Variants in UTP20 observed in about 807,000 individuals in gnomAD.
UTP20 encodes small subunit processome component 20 homolog.
In UTP20, 164 loss-of-function variants were observed where a neutral mutation model predicts 329.5. The ratio of observed to expected loss-of-function variants is 0.50; its 90% CI spans 0.44 to 0.57. The LOEUF is 0.57. UTP20 is among the 20% of genes least tolerant of loss of function. The probability of loss-of-function intolerance (pLI) is 0.00; values close to 1 mark genes in which losing one functional copy is unlikely to be tolerated. For synonymous variants in UTP20, 1,151 were observed against 1,159.3 expected, an observed-to-expected ratio of 0.99 and a Z score of 0.14; for missense variants, 3,055 against 3,284.2, an observed-to-expected ratio of 0.93 and a Z score of 1.71.
rs1041472527 is a variant in UTP20 at position 101,291,103 on chromosome 12, G to C, written c.891+215G>C. ...GATGCAGTAGAAGGCTCTGGAGCCA[G>C]ACTGCCTGTTTGAATCTTGACCCTT... On this transcript the variant is annotated intron_variant, in intron 8 of 61. Transcript: ENST00000261637. 15 of 419,006 alleles carry C rather than the reference G, an allele frequency of 3.6e-5. No individual in the cohort carries two copies. In the South Asian group the frequency reaches 8.6e-4, roughly 24 times the overall value. 26.0% of individuals were successfully genotyped at this position (419,006 alleles called of 1,614,324 possible).
At chr12:101,313,565 C>T (rs1307058730) in intron 21 of UTP20, among the ~76,000 whole-genome samples, 1 of 151,988 alleles carries the variant, frequency 6.6e-6, no homozygotes, top group Non-Finnish European at 1.5e-5. Context: ...ATTGCAAGTC[C>T]AAGCAAGAAG....
rs199995716 is a variant in UTP20, at chr12:101,318,851, G to T, written c.2739-694G>T. ...ATCTTGAAAAAAAAAAAAAAAAAAA[G>T]ACCCAGGGAAGGCTCTCTGATGCTG... On this transcript the variant is annotated intron_variant, in intron 22 of 61. Transcript: ENST00000261637. Among the ~76,000 whole-genome samples, 182 of 89,736 alleles carry T rather than the reference G, an allele frequency of 2.0e-3. 2 individuals are homozygous for T. Among genetic ancestry groups the T allele is most frequent in the South Asian group, 0.014 (35 of 2,546 alleles). The allele number at this position is 89,736 out of a possible 152,430, so 58.9% of individuals were successfully genotyped here.
At chr12:101,342,730 G>T in intron 33 of UTP20, 57 bp from the exon 34 acceptor site, 1 of 1,569,698 alleles carries the variant, frequency 6.4e-7, no homozygotes, top group Non-Finnish European at 8.7e-7. Context: ...GAGGGGAGGA[G>T]GGCAGAAAAG....
chr12:101,363,396 G>A (rs1025644084), intron 44 of UTP20, among the ~76,000 whole-genome samples, 180 bp from the exon 45 acceptor site: 1 of 151,816 alleles, frequency 6.6e-6, no homozygotes, highest in Non-Finnish European at 1.5e-5. Context: ...TTTAGTAATT[G>A]GTCCCTAAAT....
At chr12:101,313,941 A>G (rs1872879552) in intron 21 of UTP20, among the ~76,000 whole-genome samples, 1 of 152,222 alleles carries the variant, frequency 6.6e-6, no homozygotes, top group Admixed American at 6.5e-5. Flanking sequence ...TGTCATGTAG[A>G]GAGGCATTTA....
At chr12:101,320,638 CAG>C (rs1873120185) in intron 23 of UTP20, among the ~76,000 whole-genome samples, 1 of 151,992 alleles carries the variant, frequency 6.6e-6, no homozygotes, top group African/African-American at 2.4e-5. Context: ...ATGCAGGTGT[CAG>C]AGAGTTTTGT....
At chr12:101,349,149 G>A (rs1869432502) in intron 38 of UTP20, among the ~76,000 whole-genome samples, 2 of 151,550 alleles carry the variant, frequency 1.3e-5, no homozygotes, top group Admixed American at 1.3e-4. Context: ...TAATGTGTTT[G>A]GGGTTTTTTG....
intron 10 of UTP20, among the ~76,000 whole-genome samples, chr12:101,292,540 C>T (rs981631377): frequency 6.6e-6 from 1 of 152,058 alleles, no homozygotes; most frequent in Non-Finnish European, 1.5e-5. Flanking sequence ...TTAATTCTGC[C>T]TGGGGTTGAG....
intron 54 of UTP20, 47 bp downstream of exon 54, chr12:101,373,814 G>C: frequency 1.3e-6 from 2 of 1,576,196 alleles, no homozygotes; most frequent in Non-Finnish European, 1.7e-6. Flanking sequence ...CTTAGCTTTG[G>C]GGATCATAGT....
Position 101,286,489 on chromosome 12 carries a change from G to A in UTP20, c.495G>A (p.Lys165=). 1.2e-6 allele frequency: 2 copies of A among 1,611,982 alleles called. No homozygotes were observed. Among genetic ancestry groups the A allele is most frequent in the Non-Finnish European group, 1.7e-6 (2 of 1,178,950 alleles). Residue 165 remains lysine (K), a synonymous_variant, in exon 5 of 62, where the codon AAG becomes AAA. Transcript: ENST00000261637. The part of the protein sequence containing the change: ...LYKYLWRLMV[K]DMSSIYSMYS... ...AGTACCTGTGGAGACTGATGGTGAA[G>A]GACATGTCCAGTATATACAGGTAAC...
At chr12:101,316,233 A>G (rs1216828845) in intron 21 of UTP20, among the ~76,000 whole-genome samples, 1 of 152,240 alleles carries the variant, frequency 6.6e-6, no homozygotes, top group Non-Finnish European at 1.5e-5. Context: ...ATGACTAACA[A>G]TGGCAACAGC....
At chr12:101,326,202 C>G (rs1394236910) in intron 25 of UTP20, among the ~76,000 whole-genome samples, 1 of 152,124 alleles carries the variant, frequency 6.6e-6, no homozygotes, top group Non-Finnish European at 1.5e-5. Context: ...ATGACTCTTT[C>G]TTGCATTTCC....
chr12:101,285,824 A>C lies in UTP20; in HGVS notation c.269A>C (p.Gln90Pro). The change falls in exon 4 of 62, where the codon CAG becomes CCG. Residue 90 changes from glutamine (Q) to proline (P), a missense_variant. Gln to Pro is a moderately conservative substitution (Grantham distance 76). Coordinates refer to ENST00000261637, the MANE Select transcript of UTP20 (RefSeq NM_014503.3). ...GTGTATCACCAAAACGAGATAGTTCAGAGTTTGAAGACTCACCTGCAAGTT... is the reference window on the plus strand; with the variant it reads ...GTGTATCACCAAAACGAGATAGTTCCGAGTTTGAAGACTCACCTGCAAGTT... ...QLVYHQNEIV[Q>P]SLKTHLQVKN... is the part of the protein sequence containing the mutation. 5 of 1,613,940 alleles carry C rather than the reference A, an allele frequency of 3.1e-6. No individual in the cohort carries two copies. Among genetic ancestry groups the C allele is most frequent in the Non-Finnish European group, 4.2e-6 (5 of 1,179,916 alleles).
At chr12:101,365,429 C>T in intron 45 of UTP20, 30 bp from the exon 46 acceptor site, 1 of 1,526,264 alleles carries the variant, frequency 6.6e-7, no homozygotes, top group Admixed American at 2.1e-5. Context: ...TCTGTGTCAT[C>T]TCAGCATGAC....
At chr12:101,305,861 T>C in intron 15 of UTP20, 54 bp from the exon 16 acceptor site, 1 of 1,473,996 alleles carries the variant, frequency 6.8e-7, no homozygotes, top group Non-Finnish European at 9.0e-7. Flanking sequence ...TACTATAGTC[T>C]AGATACTCTG....
At chr12:101,368,295 G>A (rs1870166673) in intron 48 of UTP20, among the ~76,000 whole-genome samples, 1 of 151,820 alleles carries the variant, frequency 6.6e-6, no homozygotes, top group African/African-American at 2.4e-5. Flanking sequence ...ACCACGCCCG[G>A]CTAACTTTTG....
In UTP20 at chr12:101,308,267, G is replaced by A. The variant is rs77005911; in HGVS notation, c.2078G>A (p.Arg693Lys). ...ELVPATVNDY[R>K]EKLLHLRKLR... is the part of the protein sequence containing the mutation. ...GTTCCAGCAACTGTGAATGATTATA[G>A]AGAGAAGCTTCTTCATTTGAGAAAA... Residue 693 changes from arginine (R) to lysine (K), a missense_variant, in exon 18 of 62, where the codon AGA (arginine) becomes AAA (lysine). Arg to Lys is a conservative substitution (Grantham distance 26, BLOSUM62 2). Transcript: ENST00000261637. The A allele has an allele frequency of 0.028, 45,097 of 1,612,802 alleles. 700 individuals carry two copies. The highest frequency in any genetic ancestry group is 0.032 in the Non-Finnish European group (37,846 of 1,179,452).
chr12:101,345,473 T>G, intron 36 of UTP20, 81 bp from the exon 37 acceptor site: 1 of 1,007,486 alleles, frequency 9.9e-7, no homozygotes, highest in Non-Finnish European at 1.4e-6. Flanking sequence ...TTTTTAAAAT[T>G]TTATGTTTTT....
At chr12:101,372,852 C>T (rs1276137188) in intron 51 of UTP20, 32 bp from the exon 52 acceptor site, 1 of 1,567,842 alleles carries the variant, frequency 6.4e-7, no homozygotes, top group East Asian at 2.2e-5. Flanking sequence ...AGGTGAGATC[C>T]AAATAATCAT....
Sources: allele counts gnomAD v4.1 joint callset (sites outside exome capture counted in the v4.1 genomes callset), GRCh38; gene constraint gnomAD v4.1.1; transcripts MANE v1.5; gene names NCBI Gene and HGNC (gene_info 2026-07-23, HGNC 2026-07-21).